Variants in GPHN observed in about 807,000 individuals in gnomAD.
GPHN encodes the protein gephyrin.
In GPHN, 17 loss-of-function variants were observed where a neutral mutation model predicts 95.5. That is an observed-to-expected ratio of 0.18 (90% CI 0.12 to 0.27). The LOEUF is 0.27. Among genes scored for constraint, GPHN ranks in the 10% least tolerant of loss-of-function variants. The pLI is 1.00. For synonymous variants in GPHN, 320 were observed against 322.5 expected (o/e 0.99, Z 0.08); for missense variants, 660 against 978.1 (o/e 0.67, Z 4.34).
chr14:66,547,940 A>G (rs1371387856), intron 1 of GPHN, among the ~76,000 whole-genome samples: 1 of 152,234 alleles, frequency 6.6e-6, no homozygotes, highest in Non-Finnish European at 1.5e-5. Flanking sequence ...GATAGCAAGT[A>G]ATAATACAGG....
intron 8 of GPHN, among the ~76,000 whole-genome samples, chr14:66,962,768 C>T (rs1643018158): frequency 6.6e-6 from 1 of 151,524 alleles, no homozygotes; most frequent in African/African-American, 2.4e-5. Flanking sequence ...AATCTTGCAA[C>T]TTTCTTCTTT....
intron 10 of GPHN, among the ~76,000 whole-genome samples, chr14:67,025,123 A>G (rs769715966): frequency 2.6e-5 from 4 of 152,110 alleles, no homozygotes; most frequent in Non-Finnish European, 5.9e-5. Flanking sequence ...TGAGCTCCCT[A>G]GTTGCCAACT....
chr14:67,508,511 C>T, the GPHN span, among the ~76,000 whole-genome samples: 1 of 152,086 alleles, frequency 6.6e-6, no homozygotes, highest in Non-Finnish European at 1.5e-5. Flanking sequence ...CAGCCTCACG[C>T]TAGCTCTCCA....
the GPHN span, chr14:67,204,965 T>G: frequency 1.3e-6 from 2 of 1,596,400 alleles, no homozygotes; most frequent in African/African-American, 2.7e-5. Context: ...GTAAGAATTG[T>G]CACAGAAGTC....
the GPHN span, among the ~76,000 whole-genome samples, chr14:67,275,657 C>T: frequency 6.6e-6 from 1 of 152,124 alleles, no homozygotes; most frequent in Non-Finnish European, 1.5e-5. Flanking sequence ...GGGAGGATTG[C>T]CTCTTTTTCT....
chr14:67,045,840 T>A (rs935867548), intron 10 of GPHN, among the ~76,000 whole-genome samples: 1 of 152,154 alleles, frequency 6.6e-6, no homozygotes, highest in Non-Finnish European at 1.5e-5. Flanking sequence ...TCTGTCTCTC[T>A]CCTTTCCTCT....
At chr14:67,344,900 C>CA in the GPHN span, among the ~76,000 whole-genome samples, 36 of 146,682 alleles carry the variant, frequency 2.5e-4, no homozygotes, top group South Asian at 1.3e-3. Context: ...AACAAACAAA[C>CA]AAACAAAAAA....
At chr14:66,559,501 A>G (rs2060142734) in intron 1 of GPHN, among the ~76,000 whole-genome samples, 1 of 150,320 alleles carries the variant, frequency 6.7e-6, no homozygotes, top group Non-Finnish European at 1.5e-5. Flanking sequence ...GATGATGAGC[A>G]TTTTTTCATG....
intron 1 of GPHN, among the ~76,000 whole-genome samples, chr14:66,649,411 A>G (rs1190601001): frequency 6.6e-6 from 1 of 151,934 alleles, no homozygotes; most frequent in Non-Finnish European, 1.5e-5. Flanking sequence ...ACCTGTTGAG[A>G]ACTGGGCTGC....
intron 9 of GPHN, among the ~76,000 whole-genome samples, chr14:67,017,331 A>G (rs2073370727): frequency 6.6e-6 from 1 of 152,164 alleles, no homozygotes; most frequent in Non-Finnish European, 1.5e-5. Flanking sequence ...AGAGAAAGAA[A>G]TAGAATGTAA....
the GPHN span, among the ~76,000 whole-genome samples, chr14:67,293,535 C>T: frequency 2.0e-5 from 3 of 151,882 alleles, no homozygotes; most frequent in South Asian, 2.1e-4. Flanking sequence ...ATAATTGTCC[C>T]CAAGGGAGAT....
At chr14:67,703,016 C>T in the GPHN span, among the ~76,000 whole-genome samples, 1 of 152,018 alleles carries the variant, frequency 6.6e-6, no homozygotes. Flanking sequence ...GTCAGAGTCT[C>T]ACTATGTTGC....
chr14:67,507,752 C>A, the GPHN span, among the ~76,000 whole-genome samples: 10 of 152,162 alleles, frequency 6.6e-5, no homozygotes, highest in Non-Finnish European at 1.3e-4. Context: ...AGTTTTAAGA[C>A]AAGACATAAA....
the GPHN span, among the ~76,000 whole-genome samples, chr14:67,324,782 C>T: frequency 1.3e-5 from 2 of 151,532 alleles, no homozygotes; most frequent in East Asian, 3.9e-4. Context: ...GACAGGGTCT[C>T]GCTATGTTGC....
chr14:67,601,818 C>G, the GPHN span, among the ~76,000 whole-genome samples: 1 of 151,744 alleles, frequency 6.6e-6, no homozygotes, highest in Non-Finnish European at 1.5e-5. Flanking sequence ...AGGAGAATCA[C>G]TTGAACTTAG....
intron 1 of GPHN, among the ~76,000 whole-genome samples, chr14:66,590,144 A>G (rs1226971371): frequency 6.6e-6 from 1 of 152,276 alleles, no homozygotes; most frequent in South Asian, 2.1e-4. Context: ...CAGACACAAC[A>G]TAGAGGAATC....
chr14:67,378,795 TC>T, the GPHN span, among the ~76,000 whole-genome samples: 36 of 152,274 alleles, frequency 2.4e-4, no homozygotes, highest in African/African-American at 7.2e-4. Context: ...TTTGCATTTT[TC>T]TTTTAATTAC....
At chr14:67,133,127 C>T (rs2079829569) in intron 17 of GPHN, among the ~76,000 whole-genome samples, 1 of 151,876 alleles carries the variant, frequency 6.6e-6, no homozygotes, top group Admixed American at 6.6e-5. Flanking sequence ...AAGTAGACAC[C>T]CAGAAAAGAT....
intron 9 of GPHN, among the ~76,000 whole-genome samples, chr14:67,010,523 G>C (rs1686766441): frequency 1.4e-5 from 2 of 144,704 alleles, no homozygotes; most frequent in South Asian, 4.3e-4. Flanking sequence ...CTGCACTCTA[G>C]CCTGGGCAAC....
Sources: gnomAD v4.1 joint callset for allele counts (sites outside exome capture counted in the v4.1 genomes callset) on GRCh38, gnomAD v4.1.1 for gene constraint, MANE v1.5 for transcripts, NCBI Gene and HGNC (gene_info 2026-07-23, HGNC 2026-07-21) for gene names.